ERBB4: variants seen among roughly 807,000 people sequenced by gnomAD.
ERBB4 encodes receptor tyrosine-protein kinase erbB-4.
ERBB4 carries 42 observed loss-of-function variants against 158.0 expected under a neutral mutation model. The ratio of observed to expected loss-of-function variants is 0.27; its 90% CI spans 0.21 to 0.34. The LOEUF is 0.34. Among genes scored for constraint, ERBB4 ranks in the 10% least tolerant of loss-of-function variants. The probability of loss-of-function intolerance (pLI) is 1.00; values close to 1 mark genes in which losing one functional copy is unlikely to be tolerated. For synonymous variants in ERBB4, 583 were observed against 558.7 expected (o/e 1.04, Z -0.61); for missense variants, 1,333 against 1,624.1 (o/e 0.82, Z 3.08).
intron 5 of ERBB4, among the ~76,000 whole-genome samples, chr2:211,742,129 G>GT (rs2074821342): frequency 6.6e-6 from 1 of 152,142 alleles, no homozygotes; most frequent in Non-Finnish European, 1.5e-5. Flanking sequence ...ACAAAGACTC[G>GT]CTGTTATCCT....
intron 1 of ERBB4, among the ~76,000 whole-genome samples, chr2:212,196,071 A>G (rs62182583): frequency 0.19 from 29,125 of 152,070 alleles, 3,092 homozygotes; most frequent in Non-Finnish European, 0.22. Flanking sequence ...GAGGTTAAGG[A>G]TGCCAAACCT....
chr2:211,543,853 A>G (rs888850213), intron 20 of ERBB4, among the ~76,000 whole-genome samples: 1 of 151,784 alleles, frequency 6.6e-6, no homozygotes, highest in African/African-American at 2.4e-5. Flanking sequence ...TAAAAAAAAA[A>G]AAGAAAAAGA....
chr2:212,299,887 A>G (rs886219887), intron 1 of ERBB4, among the ~76,000 whole-genome samples: 38 of 151,622 alleles, frequency 2.5e-4, no homozygotes, highest in African/African-American at 8.9e-4. Context: ...GTTTGTTTCA[A>G]GTTTGACATT....
intron 1 of ERBB4, among the ~76,000 whole-genome samples, chr2:212,240,023 T>C (rs13405528): frequency 0.042 from 6,323 of 152,196 alleles, 394 homozygotes; most frequent in African/African-American, 0.14. Context: ...TATTGTTACT[T>C]CTGTAGCTAT....
chr2:211,712,285 A>T, intron 8 of ERBB4, 109 bp from the exon 9 acceptor site: 3 of 1,049,908 alleles, frequency 2.9e-6, no homozygotes, highest in Non-Finnish European at 4.2e-6. Context: ...TAACATATAA[A>T]ATATATTACA....
rs182685658 is a variant in ERBB4, at chr2:211,860,148, G to A, written c.422-71989C>T. Among the ~76,000 whole-genome samples the A allele has an allele frequency of 5.3e-5, 8 of 152,180 alleles. No homozygotes were observed. In the East Asian group the frequency reaches 7.7e-4, roughly 15 times the overall value. On this transcript the variant is annotated intron_variant, in intron 3 of 27. Transcript: ENST00000342788. ...CACAAGCCAACTGCTATTGTAAGTC[G>A]CAAACTTCTTAGAAGAGCTCTTTCA... is the stretch of plus-strand genomic sequence containing the variant.
At chr2:211,423,601 T>G (rs566215669) in intron 23 of ERBB4, among the ~76,000 whole-genome samples, 1 of 151,940 alleles carries the variant, frequency 6.6e-6, no homozygotes, top group Non-Finnish European at 1.5e-5. Flanking sequence ...AAACAAATGA[T>G]CAAATTGAAA....
At chr2:212,083,954 GC>G (rs1409157662) in intron 2 of ERBB4, among the ~76,000 whole-genome samples, 1 of 149,054 alleles carries the variant, frequency 6.7e-6, no homozygotes, top group Non-Finnish European at 1.5e-5. Context: ...ACTACAACCT[GC>G]CTATTCTTTG....
chr2:211,957,255 A>G (rs1335726670), intron 2 of ERBB4, among the ~76,000 whole-genome samples: 1 of 152,072 alleles, frequency 6.6e-6, no homozygotes, highest in African/African-American at 2.4e-5. Context: ...GCCCTAATCC[A>G]ATATAACCAG....
At chr2:211,929,816 GTGTA>G (rs2080125386) in intron 3 of ERBB4, among the ~76,000 whole-genome samples, 3 of 152,236 alleles carry the variant, frequency 2.0e-5, no homozygotes, top group Admixed American at 6.6e-5. Flanking sequence ...AAATGCATCT[GTGTA>G]TGTGTCTATA....
chr2:212,093,384 A>G (rs2078835759), intron 2 of ERBB4, among the ~76,000 whole-genome samples: 1 of 152,218 alleles, frequency 6.6e-6, no homozygotes, highest in African/African-American at 2.4e-5. Context: ...TTGTGAGAAT[A>G]AACAACAACA....
intron 1 of ERBB4, among the ~76,000 whole-genome samples, chr2:212,503,003 T>G (rs1690977374): frequency 6.6e-6 from 1 of 152,180 alleles, no homozygotes; most frequent in Non-Finnish European, 1.5e-5. Context: ...GCTCATGTGA[T>G]CCACCCACCT....
intron 20 of ERBB4, among the ~76,000 whole-genome samples, chr2:211,511,948 G>A (rs139846228): frequency 1.3e-5 from 2 of 152,188 alleles, no homozygotes; most frequent in African/African-American, 4.8e-5. Context: ...CCATGCTTCT[G>A]AAAATAAATC....
intron 16 of ERBB4, among the ~76,000 whole-genome samples, chr2:211,657,312 C>T (rs2071253071): frequency 6.6e-6 from 1 of 152,004 alleles, no homozygotes. Context: ...AGTTTGAGAC[C>T]AGCCTGGCCA....
Position 211,377,118 on chromosome 2 carries a change from C to G in ERBB4, c.*6497G>C, listed in dbSNP as rs144389684. On this transcript the variant is annotated 3_prime_UTR_variant, in exon 28 of 28. Coordinates refer to ENST00000342788, the MANE Select transcript of ERBB4 (RefSeq NM_005235.3). ...TATGGTTGTAGTCCCCTCACTCCCC[C>G]CTCCCAGCCCCTGAGAGATCCAGAA... is the stretch of plus-strand genomic sequence containing the variant. 1.1e-4 allele frequency: 26 copies of G among 232,870 alleles called. No individual in the cohort carries two copies. Among genetic ancestry groups the G allele is most frequent in the Non-Finnish European group, 1.4e-4 (16 of 117,628 alleles). The allele number at this position is 232,870 out of a possible 1,614,324, so 14.4% of individuals were successfully genotyped here.
intron 15 of ERBB4, among the ~76,000 whole-genome samples, chr2:211,658,297 A>T (rs1185452637): frequency 6.6e-6 from 1 of 152,204 alleles, no homozygotes; most frequent in Non-Finnish European, 1.5e-5. Flanking sequence ...ACATGATTAC[A>T]TGTCTCAACA....
intron 3 of ERBB4, among the ~76,000 whole-genome samples, chr2:211,919,549 T>A (rs750407520): frequency 1.1e-4 from 17 of 151,130 alleles, no homozygotes; most frequent in Non-Finnish European, 2.2e-4. Flanking sequence ...ACACGCAGAG[T>A]TCTTATTTAA....
intron 2 of ERBB4, among the ~76,000 whole-genome samples, chr2:212,029,490 G>C (rs1021148838): frequency 6.6e-6 from 1 of 152,114 alleles, no homozygotes; most frequent in Non-Finnish European, 1.5e-5. Flanking sequence ...TAAAGGGCTT[G>C]ATATCTGTGT....
intron 20 of ERBB4, among the ~76,000 whole-genome samples, chr2:211,438,048 C>T (rs1466955648): frequency 6.6e-6 from 1 of 152,124 alleles, no homozygotes; most frequent in African/African-American, 2.4e-5. Context: ...ACCTTTTTAA[C>T]CAGCAGAAGC....
Sources: gnomAD v4.1 joint callset for allele counts (sites outside exome capture counted in the v4.1 genomes callset) on GRCh38, gnomAD v4.1.1 for gene constraint, MANE v1.5 for transcripts, NCBI Gene and HGNC (gene_info 2026-07-23, HGNC 2026-07-21) for gene names.